The following CAMK1D variants were observed in gnomAD, a reference collection of about 807,000 sequenced individuals.
The protein encoded by CAMK1D is calcium/calmodulin-dependent protein kinase type 1D.
Under a neutral mutation model 47.7 loss-of-function variants are expected in CAMK1D, and 9 were observed. That is an observed-to-expected ratio of 0.19 (90% CI 0.11 to 0.33). The LOEUF (loss-of-function observed/expected upper bound fraction) is 0.33. Among genes scored for constraint, CAMK1D ranks in the 10% least tolerant of loss-of-function variants. CAMK1D has a pLI of 1.00. For missense variants in CAMK1D, 291 were observed against 488.7 expected, an observed-to-expected ratio of 0.60 and a Z score of 3.81; for synonymous variants, 184 against 184.9, an observed-to-expected ratio of 0.99 and a Z score of 0.04.
chr10:12,671,619 A>T (rs1246520508), intron 3 of CAMK1D, among the ~76,000 whole-genome samples: 1 of 151,686 alleles, frequency 6.6e-6, no homozygotes, highest in Non-Finnish European at 1.5e-5. Context: ...ATATATATAT[A>T]TGGAGATATA....
Position 12,374,229 on chromosome 10 carries a change from C to T in CAMK1D, c.92+24319C>T, listed in dbSNP as rs140375418. ...GAGCCAAGATTGCACCACTGCACTCCAGCCTTGTGACAGAGCGAGACTCTG... is the reference window on the plus strand; with the variant it reads ...GAGCCAAGATTGCACCACTGCACTCTAGCCTTGTGACAGAGCGAGACTCTG... On this transcript the variant is annotated intron_variant, in intron 1 of 10. Coordinates refer to ENST00000619168, the MANE Select transcript of CAMK1D (RefSeq NM_153498.4). 5.5e-3 allele frequency among the ~76,000 whole-genome samples: 734 copies of T among 134,004 alleles called. 10 individuals are homozygous for T. Among genetic ancestry groups the T allele is most frequent in the African/African-American group, 0.02 (690 of 35,060 alleles). The allele number at this position is 134,004 out of a possible 152,430, so 87.9% of individuals were successfully genotyped here.
At chr10:12,462,133 T>C (rs533433220) in intron 1 of CAMK1D, among the ~76,000 whole-genome samples, 1 of 151,192 alleles carries the variant, frequency 6.6e-6, no homozygotes, top group East Asian at 1.9e-4. Flanking sequence ...AAATGGATAA[T>C]TTGAATTTCT....
At chr10:12,489,914 A>C (rs1834330062) in intron 1 of CAMK1D, among the ~76,000 whole-genome samples, 1 of 152,164 alleles carries the variant, frequency 6.6e-6, no homozygotes, top group Non-Finnish European at 1.5e-5. Flanking sequence ...CCGAGTCTGC[A>C]TTCCGGCATT....
At chr10:12,468,598 T>C (rs1052059085) in intron 1 of CAMK1D, among the ~76,000 whole-genome samples, 16 of 152,262 alleles carry the variant, frequency 1.1e-4, no homozygotes, top group Middle Eastern at 6.8e-3. Context: ...AAAAGACTCC[T>C]TCACAGCCCC....
intron 1 of CAMK1D, among the ~76,000 whole-genome samples, chr10:12,476,062 G>A (rs908456011): frequency 6.6e-6 from 1 of 152,044 alleles, no homozygotes; most frequent in Admixed American, 6.6e-5. Context: ...GGAGGCCGAG[G>A]GGGGGCGGAT....
chr10:12,791,446 A>C (rs565401952), intron 6 of CAMK1D, among the ~76,000 whole-genome samples: 1 of 152,206 alleles, frequency 6.6e-6, no homozygotes, highest in Non-Finnish European at 1.5e-5. Context: ...CATCACCCCA[A>C]ACTGAAACTC....
intron 2 of CAMK1D, among the ~76,000 whole-genome samples, chr10:12,563,939 T>C (rs1455987887): frequency 2.6e-5 from 4 of 152,234 alleles, no homozygotes; most frequent in Admixed American, 2.0e-4. Flanking sequence ...TCAGCTAATA[T>C]GTGGACTAGT....
chr10:12,813,107 A>G (rs1318319141), intron 6 of CAMK1D, among the ~76,000 whole-genome samples: 1 of 152,186 alleles, frequency 6.6e-6, no homozygotes, highest in African/African-American at 2.4e-5. Context: ...CCAGAACTCT[A>G]AATTATAAGT....
chr10:12,510,144 G>C (rs1834996515), intron 1 of CAMK1D, among the ~76,000 whole-genome samples: 1 of 152,198 alleles, frequency 6.6e-6, no homozygotes, highest in South Asian at 2.1e-4. Context: ...AGGGTTTGGG[G>C]TTGCTCCCGT....
chr10:12,688,139 G>A (rs1832731075), intron 3 of CAMK1D, among the ~76,000 whole-genome samples: 1 of 152,170 alleles, frequency 6.6e-6, no homozygotes, highest in Admixed American at 6.5e-5. Context: ...TGTTTAGTAA[G>A]GTTAGGCAAT....
In CAMK1D at chr10:12,413,224, C is replaced by T. The variant is rs371941681; in HGVS notation, c.92+63314C>T. On this transcript the variant is annotated intron_variant, in intron 1 of 10. Coordinates refer to ENST00000619168, the MANE Select transcript of CAMK1D (RefSeq NM_153498.4). ...GTGGAGGGGAAAGGGGGAGCAGGCA[C>T]GTTACATGGTGAAAGCAGGAGCAAG... 4.8e-4 allele frequency among the ~76,000 whole-genome samples: 73 copies of T among 152,124 alleles called. No homozygotes were observed. In the East Asian group the frequency reaches 0.012, roughly 25 times the overall value.
chr10:12,583,140 A>T (rs1344614989), intron 2 of CAMK1D, among the ~76,000 whole-genome samples: 2 of 152,116 alleles, frequency 1.3e-5, no homozygotes. Context: ...TTATCAGGGG[A>T]AGATTATCTA....
rs528989391 is a variant in CAMK1D, at chr10:12,516,529, G to C, written c.93-36696G>C. Among the ~76,000 whole-genome samples, 3 of 152,322 alleles carry C rather than the reference G, an allele frequency of 2.0e-5. No homozygotes were observed. The South Asian group carries it at 6.2e-4, about 32-fold the overall frequency. ...TAGGAGTGGGATTGCTGGGTCATAT[G>C]TAAGTATTTATTGAACCTTGTCAGA... On this transcript the variant is annotated intron_variant, in intron 1 of 10. Coordinates refer to ENST00000619168, the MANE Select transcript of CAMK1D (RefSeq NM_153498.4).
At chr10:12,760,891 T>C (rs1836471501) in intron 3 of CAMK1D, 57 bp from the exon 4 acceptor site, 1 of 1,568,214 alleles carries the variant, frequency 6.4e-7, no homozygotes. Flanking sequence ...CATTGGAAGC[T>C]TTCCCTTCAC....
chr10:12,662,419 C>T (rs545666090), intron 2 of CAMK1D, among the ~76,000 whole-genome samples: 232 of 152,204 alleles, frequency 1.5e-3, no homozygotes, highest in Non-Finnish European at 2.3e-3. Context: ...TTTGGGAGGC[C>T]GAGATGGGCG....
At chr10:12,659,211 A>G (rs1317965435) in intron 2 of CAMK1D, among the ~76,000 whole-genome samples, 1 of 152,208 alleles carries the variant, frequency 6.6e-6, no homozygotes, top group Non-Finnish European at 1.5e-5. Flanking sequence ...GTAACAAGTG[A>G]CTTGTAAGCC....
At chr10:12,818,440 G>A (rs1257397477) in intron 8 of CAMK1D, among the ~76,000 whole-genome samples, 3 of 152,204 alleles carry the variant, frequency 2.0e-5, no homozygotes, top group African/African-American at 4.8e-5. Context: ...GGAGGCCAAG[G>A]CGGGTAGGTC....
At chr10:12,386,993 G>A (rs993044750) in intron 1 of CAMK1D, among the ~76,000 whole-genome samples, 2 of 152,092 alleles carry the variant, frequency 1.3e-5, no homozygotes, top group Non-Finnish European at 2.9e-5. Context: ...CTTGAGGTCA[G>A]GTGTTTGAGA....
intron 2 of CAMK1D, among the ~76,000 whole-genome samples, chr10:12,654,001 C>T (rs1490275406): frequency 6.6e-6 from 1 of 152,126 alleles, no homozygotes; most frequent in African/African-American, 2.4e-5. Context: ...AAGCACAGGA[C>T]ATTAGTGGTA....
Sources: gnomAD v4.1 joint callset for allele counts (sites outside exome capture counted in the v4.1 genomes callset) on GRCh38, gnomAD v4.1.1 for gene constraint, MANE v1.5 for transcripts, NCBI Gene and HGNC (gene_info 2026-07-23, HGNC 2026-07-21) for gene names.